The following MFSD11 variants were observed in gnomAD, a reference collection of about 807,000 sequenced individuals.
The protein encoded by MFSD11 is major facilitator superfamily domain containing 11.
A neutral mutation model predicts 53.5 loss-of-function variants in MFSD11; 36 were observed. The ratio of observed to expected loss-of-function variants is 0.67; its 90% confidence interval spans 0.52 to 0.89. The LOEUF (loss-of-function observed/expected upper bound fraction) is 0.89, where lower values mean the gene tolerates loss of function less well. Among genes scored for constraint, MFSD11 ranks in the 40% least tolerant of loss-of-function variants. The pLI is 0.00. For synonymous variants in MFSD11, 186 were observed against 184.9 expected (o/e 1.01, Z -0.05); for missense variants, 530 against 543.9 (o/e 0.97, Z 0.25).
rs1598482385 is a variant in MFSD11 at position 76,742,218 on chromosome 17, G to A, written c.382G>A (p.Asp128Asn). ...AQGNCLTINS[D>N]EHSIGRNSGI... ...AGGAAACTGCCTGACAATCAATTCG[G>A]ATGAGCACAGCATTGGGAGAAACAG... Residue 128 changes from aspartate to asparagine, a missense_variant, in exon 5 of 13, where the codon GAT becomes AAT. Coordinates refer to ENST00000685175, the MANE Select transcript of MFSD11 (RefSeq NM_001242532.5). 2 of 1,614,084 alleles carry A rather than the reference G, an allele frequency of 1.2e-6. No homozygotes were observed. Among genetic ancestry groups the A allele is most frequent in the African/African-American group, 2.7e-5 (2 of 74,922 alleles).
At chr17:76,747,815 G>A (rs1193358191) in intron 7 of MFSD11, 1 of 152,168 alleles carries the variant, frequency 6.6e-6, no homozygotes, top group East Asian at 1.9e-4. Context: ...AGGTGGATGA[G>A]GGGTTCTGTA....
the MFSD11 span, among the ~76,000 whole-genome samples, chr17:76,796,249 A>T: frequency 6.6e-6 from 1 of 151,810 alleles, no homozygotes; most frequent in East Asian, 1.9e-4. Context: ...CATAAGTCCC[A>T]CCTCCCTGTG....
chr17:76,762,366 A>G (rs1438069477), intron 8 of MFSD11, among the ~76,000 whole-genome samples: 1 of 152,178 alleles, frequency 6.6e-6, no homozygotes, highest in Non-Finnish European at 1.5e-5. Flanking sequence ...TGGATGAATA[A>G]AGTACACTGA....
At chr17:76,751,799 A>C (rs191728371) in intron 7 of MFSD11, among the ~76,000 whole-genome samples, 7 of 152,310 alleles carry the variant, frequency 4.6e-5, no homozygotes, top group Non-Finnish European at 1.0e-4. Context: ...CTTAACTTGC[A>C]TTATCTTATT....
intron 7 of MFSD11, among the ~76,000 whole-genome samples, chr17:76,751,827 T>A (rs1487353048): frequency 6.6e-6 from 1 of 152,182 alleles, no homozygotes; most frequent in Non-Finnish European, 1.5e-5. Flanking sequence ...CATGGGTAAG[T>A]CGTAGCATCC....
the MFSD11 span, among the ~76,000 whole-genome samples, chr17:76,793,292 G>A: frequency 2.0e-5 from 3 of 151,240 alleles, no homozygotes; most frequent in South Asian, 2.1e-4. Context: ...CACCCAAGGG[G>A]GCCATTTTAG....
chr17:76,786,351 G>A (rs930873640), downstream of MFSD11, among the ~76,000 whole-genome samples: 1 of 151,882 alleles, frequency 6.6e-6, no homozygotes, highest in African/African-American at 2.4e-5. Flanking sequence ...CGCCATGTTG[G>A]CCAGGCTGGT....
At chr17:76,793,993 A>G in the MFSD11 span, among the ~76,000 whole-genome samples, 1 of 151,276 alleles carries the variant, frequency 6.6e-6, no homozygotes, top group Non-Finnish European at 1.5e-5. Flanking sequence ...AGGCAAAGGA[A>G]CAGTTTCTCC....
chr17:76,737,014 G>A, upstream of MFSD11: 1 of 1,613,454 alleles, frequency 6.2e-7, no homozygotes. Flanking sequence ...CCTTGGTGTA[G>A]CGGTCCCGCG....
intron 8 of MFSD11, among the ~76,000 whole-genome samples, chr17:76,756,122 A>AT (rs112392636): frequency 0.11 from 11,147 of 103,752 alleles, 1,665 homozygotes; most frequent in African/African-American, 0.34. Flanking sequence ...CTGCACCCAG[A>AT]TTTTTTTTTT....
At chr17:76,782,366 G>C (rs1051985545), downstream of MFSD11, among the ~76,000 whole-genome samples, 38 of 151,436 alleles carry the variant, frequency 2.5e-4, no homozygotes, top group African/African-American at 9.2e-4. Context: ...ATAGAGACAG[G>C]GTTTCCTCAT....
chr17:76,747,388 G>A (rs1182789249), intron 7 of MFSD11, among the ~76,000 whole-genome samples: 1 of 151,810 alleles, frequency 6.6e-6, no homozygotes, highest in African/African-American at 2.4e-5. Context: ...AGGCTGGAGT[G>A]CAATGGCGTA....
chr17:76,760,809 C>T (rs1475866706), intron 8 of MFSD11, among the ~76,000 whole-genome samples: 4 of 152,020 alleles, frequency 2.6e-5, no homozygotes, highest in Non-Finnish European at 4.4e-5. Flanking sequence ...GGGTTATAGG[C>T]GTGAGCCACT....
chr17:76,757,555 G>C (rs2079776187), intron 8 of MFSD11, among the ~76,000 whole-genome samples: 1 of 152,130 alleles, frequency 6.6e-6, no homozygotes, highest in African/African-American at 2.4e-5. Flanking sequence ...GTACAGAGAA[G>C]GTTCCTACAT....
At chr17:76,741,185 A>G in intron 3 of MFSD11, 121 bp downstream of exon 3, 2 of 689,952 alleles carry the variant, frequency 2.9e-6, no homozygotes, top group Non-Finnish European at 5.1e-6. Context: ...GTATTTTACG[A>G]ATTTTGGCTC....
At chr17:76,764,488 G>A (rs754691630) in intron 8 of MFSD11, among the ~76,000 whole-genome samples, 2 of 152,168 alleles carry the variant, frequency 1.3e-5, no homozygotes, top group Non-Finnish European at 2.9e-5. Flanking sequence ...CCCCATATAA[G>A]TAAGATCATG....
intron 7 of MFSD11, among the ~76,000 whole-genome samples, chr17:76,750,738 C>CT (rs373052183): frequency 0.054 from 8,092 of 151,052 alleles, 654 homozygotes; most frequent in African/African-American, 0.18. Flanking sequence ...CTTTACATTA[C>CT]TTTTTTTTGG....
upstream of MFSD11, chr17:76,737,257 T>C (rs1402408086): frequency 1.4e-6 from 2 of 1,432,736 alleles, no homozygotes; most frequent in Non-Finnish European, 1.8e-6. Context: ...GCCTTCCGCG[T>C]GGGGACACTG....
At chr17:76,797,020 T>G in the MFSD11 span, among the ~76,000 whole-genome samples, 2 of 151,860 alleles carry the variant, frequency 1.3e-5, no homozygotes, top group Non-Finnish European at 2.9e-5. Flanking sequence ...ATACAAAAAA[T>G]TAGCCAGCTG....
Sources: allele counts gnomAD v4.1 joint callset (sites outside exome capture counted in the v4.1 genomes callset), GRCh38; gene constraint gnomAD v4.1.1; transcripts MANE v1.5; gene names NCBI Gene and HGNC (gene_info 2026-07-23, HGNC 2026-07-21).